Variants in SPTLC2 observed in about 807,000 individuals in gnomAD.
SPTLC2 encodes the protein serine palmitoyltransferase long chain base subunit 2, also known as serine palmitoyltransferase 2.
SPTLC2 carries 21 observed loss-of-function variants against 62.0 expected under a neutral mutation model. The ratio of observed to expected loss-of-function variants is 0.34; its 90% confidence interval spans 0.24 to 0.49. SPTLC2 has a LOEUF of 0.49. Among genes scored for constraint, SPTLC2 ranks in the 20% least tolerant of loss-of-function variants. The probability of loss-of-function intolerance (pLI) is 0.99; values close to 1 mark genes in which losing one functional copy is unlikely to be tolerated. For synonymous variants in SPTLC2, 261 were observed against 261.8 expected (o/e 1.00, Z 0.03); for missense variants, 511 against 713.0 (o/e 0.72, Z 3.23).
intron 5 of SPTLC2, among the ~76,000 whole-genome samples, chr14:77,569,968 A>G (rs1029860434): frequency 2.0e-5 from 3 of 148,806 alleles, no homozygotes; most frequent in Non-Finnish European, 3.0e-5. Flanking sequence ...CCTGGCCACA[A>G]ATTGTTTTTA....
chr14:77,571,697 C>T (rs1437370355), intron 4 of SPTLC2, among the ~76,000 whole-genome samples: 2 of 152,152 alleles, frequency 1.3e-5, no homozygotes, highest in African/African-American at 2.4e-5. Context: ...CCCTTAGGAA[C>T]TCTCTGGGCT....
At chr14:77,544,207 A>G (rs2079516716) in intron 9 of SPTLC2, among the ~76,000 whole-genome samples, 1 of 152,120 alleles carries the variant, frequency 6.6e-6, no homozygotes, top group Admixed American at 6.6e-5. Flanking sequence ...AGAGGCTCAC[A>G]CTATGTCACC....
intron 2 of SPTLC2, among the ~76,000 whole-genome samples, chr14:77,586,946 C>T (rs1269121709): frequency 6.6e-6 from 1 of 152,154 alleles, no homozygotes; most frequent in African/African-American, 2.4e-5. Flanking sequence ...CAATTCTTGG[C>T]CGGGCGCAGT....
chr14:77,608,919 AAATAATAAT>A (rs56945046), intron 1 of SPTLC2, among the ~76,000 whole-genome samples: 5,949 of 134,566 alleles, frequency 0.044, 241 homozygotes, highest in African/African-American at 0.11. Context: ...CTCCATCTCA[AAATAATAAT>A]AATAATAATA....
intron 9 of SPTLC2, among the ~76,000 whole-genome samples, chr14:77,544,568 C>G (rs1398244332): frequency 1.3e-5 from 2 of 152,120 alleles, no homozygotes; most frequent in African/African-American, 2.4e-5. Context: ...TGTGTGTAAG[C>G]AAGGTATGAA....
chr14:77,591,563 T>C (rs1204360877), intron 2 of SPTLC2, among the ~76,000 whole-genome samples: 1 of 152,150 alleles, frequency 6.6e-6, no homozygotes, highest in African/African-American at 2.4e-5. Flanking sequence ...CTTTATTTTT[T>C]ATTCTTCTTA....
chr14:77,573,489 C>A (rs190764849), intron 4 of SPTLC2, among the ~76,000 whole-genome samples: 2 of 115,280 alleles, frequency 1.7e-5, no homozygotes, highest in Non-Finnish European at 3.5e-5. Flanking sequence ...AAAATTTTTA[C>A]AAAGATTTTA....
chr14:77,616,223 C>CG, intron 1 of SPTLC2, among the ~76,000 whole-genome samples: 1 of 152,072 alleles, frequency 6.6e-6, no homozygotes, highest in South Asian at 2.1e-4. Flanking sequence ...CCCAGAGCTC[C>CG]GGGAGTAAGA....
chr14:77,549,352 G>T (rs538567169), intron 9 of SPTLC2, among the ~76,000 whole-genome samples: 1 of 152,256 alleles, frequency 6.6e-6, no homozygotes, highest in South Asian at 2.1e-4. Context: ...GTCAGAAAAG[G>T]TCATGGGGTT....
intron 2 of SPTLC2, among the ~76,000 whole-genome samples, chr14:77,595,940 T>A (rs1196026879): frequency 6.6e-6 from 1 of 152,146 alleles, no homozygotes; most frequent in Non-Finnish European, 1.5e-5. Flanking sequence ...TTAGTAAAAT[T>A]AGGCATCTTT....
chr14:77,564,916 G>A (rs2079636232), intron 5 of SPTLC2, among the ~76,000 whole-genome samples: 1 of 152,038 alleles, frequency 6.6e-6, no homozygotes, highest in Non-Finnish European at 1.5e-5. Context: ...AGTATAGAAA[G>A]AATGAGAAAA....
chr14:77,615,945 A>T (rs2079964157), intron 1 of SPTLC2, among the ~76,000 whole-genome samples: 1 of 152,206 alleles, frequency 6.6e-6, no homozygotes, highest in Admixed American at 6.5e-5. Context: ...GTGGTAGTCC[A>T]GAATGTGGTT....
intron 6 of SPTLC2, among the ~76,000 whole-genome samples, chr14:77,558,927 G>A (rs550866990): frequency 8.5e-5 from 13 of 152,224 alleles, no homozygotes; most frequent in African/African-American, 3.1e-4. Context: ...GCAATGTATG[G>A]CGATCAGCTG....
intron 2 of SPTLC2, among the ~76,000 whole-genome samples, chr14:77,596,807 C>T (rs1389473827): frequency 1.3e-5 from 2 of 152,150 alleles, no homozygotes; most frequent in African/African-American, 4.8e-5. Flanking sequence ...GTAAACACAA[C>T]CTGGGATTCA....
intron 5 of SPTLC2, among the ~76,000 whole-genome samples, chr14:77,565,752 A>G (rs996189563): frequency 6.6e-6 from 1 of 152,206 alleles, no homozygotes; most frequent in Non-Finnish European, 1.5e-5. Flanking sequence ...AAGCGGAAAA[A>G]CTGGTGAAAA....
At chr14:77,570,593 T>C in intron 4 of SPTLC2, 85 bp from the exon 5 acceptor site, 1 of 1,521,446 alleles carries the variant, frequency 6.6e-7, no homozygotes, top group Non-Finnish European at 9.0e-7. Flanking sequence ...AATCATAGTA[T>C]ATGTGTTGTG....
intron 4 of SPTLC2, 109 bp from the exon 5 acceptor site, chr14:77,570,617 AAG>A: frequency 7.8e-7 from 1 of 1,274,508 alleles, no homozygotes; most frequent in Non-Finnish European, 1.1e-6. Flanking sequence ...TTTTCAGACT[AAG>A]ATCTATGAAG....
In SPTLC2 at chr14:77,602,856, G is replaced by GT. The variant is rs200086322; in HGVS notation, c.133-5477_133-5476insA. Among the ~76,000 whole-genome samples, 833 of 152,302 alleles carry GT rather than the reference G, an allele frequency of 5.5e-3. 10 individuals carry two copies. The highest frequency in any genetic ancestry group is 0.019 in the African/African-American group (783 of 41,562). ...CTCAAACTGCTGGGATTACAGGCAT[G>GT]AGCCACTGTGCCCAGCCTAGTCTAC... On this transcript the variant is annotated intron_variant, in intron 1 of 11. Transcript: ENST00000216484.
At chr14:77,590,589 G>A (rs111243614) in intron 2 of SPTLC2, among the ~76,000 whole-genome samples, 8,654 of 152,244 alleles carry the variant, frequency 0.057, 264 homozygotes, top group Middle Eastern at 0.12. Flanking sequence ...GCACATGCCT[G>A]TAGTCCCAGC....
Sources: gnomAD v4.1 joint callset for allele counts (sites outside exome capture counted in the v4.1 genomes callset) on GRCh38, gnomAD v4.1.1 for gene constraint, MANE v1.5 for transcripts, NCBI Gene and HGNC (gene_info 2026-07-23, HGNC 2026-07-21) for gene names.